The following AHRR variants were observed in gnomAD, a reference collection of about 807,000 sequenced individuals.
AHRR encodes aryl hydrocarbon receptor repressor.
Under a neutral mutation model 44.0 loss-of-function variants are expected in AHRR, and 28 were observed. The observed-to-expected ratio is 0.64, with a 90% CI of 0.47 to 0.87. The LOEUF (loss-of-function observed/expected upper bound fraction) is 0.87, where lower values mean the gene tolerates loss of function less well. Ranked by LOEUF, AHRR falls within the 40% of genes least tolerant of loss-of-function variation. AHRR has a pLI of 0.00. For missense variants in AHRR, 990 were observed against 953.9 expected, an observed-to-expected ratio of 1.04 and a Z score of -0.50; for synonymous variants, 434 against 407.0, an observed-to-expected ratio of 1.07 and a Z score of -0.80.
At chr5:368,848 G>A (rs934547287) in intron 3 of AHRR, among the ~76,000 whole-genome samples, 10 of 152,224 alleles carry the variant, frequency 6.6e-5, no homozygotes, top group Admixed American at 3.9e-4. Context: ...ATTTCTTTGC[G>A]GTTCATTTTG....
At chr5:371,555 G>C (rs11737917) in intron 3 of AHRR, among the ~76,000 whole-genome samples, 5 of 152,116 alleles carry the variant, frequency 3.3e-5, no homozygotes, top group Non-Finnish European at 7.4e-5. Flanking sequence ...CCTCATGCAC[G>C]GGTAAGCCCC....
At chr5:422,155 T>C (rs561281394) in intron 5 of AHRR, among the ~76,000 whole-genome samples, 1 of 152,186 alleles carries the variant, frequency 6.6e-6, no homozygotes, top group Non-Finnish European at 1.5e-5. Context: ...TCAGTCTTCG[T>C]GGCCCGCAGT....
rs1735138044 is a variant in AHRR, at chr5:403,825, TCTTC to T, written c.352-9515_352-9512del. On this transcript the variant is annotated intron_variant, in intron 4 of 10. Coordinates refer to ENST00000684583, the MANE Select transcript of AHRR (RefSeq NM_001377236.1). ...CTCTTGAGTTTCTCGATATGCCTTC[TCTTC>T]CTTTTTGCTCAAAGGACAAAGAACC... 3.9e-6 allele frequency: 6 copies of T among 1,539,886 alleles called. No individual in the cohort carries two copies. In the Admixed American group the frequency reaches 6.7e-5, roughly 17 times the overall value.
chr5:339,192 G>A (rs1259273645), intron 1 of AHRR, among the ~76,000 whole-genome samples: 5 of 152,116 alleles, frequency 3.3e-5, no homozygotes, highest in African/African-American at 7.2e-5. Context: ...CACTGTCACC[G>A]CAGCCTCAAT....
chr5:405,400 C>A lies in AHRR; in HGVS notation c.352-7944C>A, dbSNP rs1022818822. The stretch of plus-strand genomic sequence containing the variant: ...ATGGGCTTCTTTACTGATGCCAAAC[C>A]GTATAAAGCATTGGCCTATTTTGTC... On this transcript the variant is annotated intron_variant, in intron 4 of 10. Coordinates refer to ENST00000684583, the MANE Select transcript of AHRR (RefSeq NM_001377236.1). The surrounding 1 kb of genome is among the most constrained non-coding windows in gnomAD (Gnocchi z 4.5). Among the ~76,000 whole-genome samples, 1 of 152,124 alleles carries A rather than the reference C, an allele frequency of 6.6e-6. No individual in the cohort carries two copies. The highest frequency in any genetic ancestry group is 2.4e-5 in the African/African-American group (1 of 41,408).
intron 3 of AHRR, among the ~76,000 whole-genome samples, chr5:372,764 G>A (rs955349297): frequency 2.6e-5 from 4 of 152,202 alleles, no homozygotes; most frequent in African/African-American, 9.6e-5. Flanking sequence ...GCATCACCCA[G>A]ACGCACAGCT....
rs532546528 is a variant in AHRR, at chr5:424,292, G to A, written c.708+315G>A. 5.3e-5 allele frequency among the ~76,000 whole-genome samples: 8 copies of A among 150,672 alleles called. No homozygotes were observed. The South Asian group carries it at 1.1e-3, about 20-fold the overall frequency. On this transcript the variant is annotated intron_variant, in intron 7 of 10. Coordinates refer to ENST00000684583, the MANE Select transcript of AHRR (RefSeq NM_001377236.1). The stretch of plus-strand genomic sequence containing the variant: ...TCTGTGCACCCTGTGATGGTGTGGG[G>A]GCTTTAACCCACGTGTCTCTGGTGG...
Position 326,887 on chromosome 5 carries a change from C to T in AHRR, c.-11+5068C>T, listed in dbSNP as rs537423369. Among the ~76,000 whole-genome samples, 32 of 152,226 alleles carry T rather than the reference C, an allele frequency of 2.1e-4. No individual in the cohort carries two copies. Among genetic ancestry groups the T allele is most frequent in the African/African-American group, 6.3e-4 (26 of 41,548 alleles). ...CAGCCTGACCAATATGGTGAAACCCCATCTCTACCAAAAATACAAAAATTA... is the reference window on the plus strand; with the variant it reads ...CAGCCTGACCAATATGGTGAAACCCTATCTCTACCAAAAATACAAAAATTA... On this transcript the variant is annotated intron_variant, in intron 1 of 10. Transcript: ENST00000684583. This position sits in a 1 kb window ranked among gnomAD's most constrained non-coding sequence, Gnocchi z 4.1.
Position 330,869 on chromosome 5 carries a change from A to ATTTT in AHRR, c.-11+9069_-11+9072dup, listed in dbSNP as rs34221385. ...TTTTGCATGTTTGGTATAATTCAGC[A>ATTTT]TTTTTTTTTTTTTTTTTTTTTTGAG... On this transcript the variant is annotated intron_variant, in intron 1 of 10. Transcript: ENST00000684583. 4.6e-4 allele frequency among the ~76,000 whole-genome samples: 45 copies of ATTTT among 97,450 alleles called. 1 individual carries two copies. Among genetic ancestry groups the ATTTT allele is most frequent in the African/African-American group, 1.5e-3 (34 of 22,960 alleles). 63.9% of individuals were successfully genotyped at this position (97,450 alleles called of 152,430 possible).
At position 342,864 on chromosome 5, in the gene AHRR, C is replaced by T. The variant is rs992303459; in HGVS notation, c.-10-1029C>T. Among the ~76,000 whole-genome samples the T allele has an allele frequency of 2.0e-5, 3 of 152,256 alleles. No homozygotes were observed. The highest frequency in any genetic ancestry group is 2.9e-5 in the Non-Finnish European group (2 of 68,044). On this transcript the variant is annotated intron_variant, in intron 1 of 10. Coordinates refer to ENST00000684583, the MANE Select transcript of AHRR (RefSeq NM_001377236.1). This position sits in a 1 kb window ranked among gnomAD's most constrained non-coding sequence, Gnocchi z 4.3. ...TGGGCACAGATACTGGGCTGCTCCTCAGGGGCCCCGCTGGGAGGCACATGC... is the reference window on the plus strand; with the variant it reads ...TGGGCACAGATACTGGGCTGCTCCTTAGGGGCCCCGCTGGGAGGCACATGC...
chr5:324,639 A>G (rs1428544002), intron 1 of AHRR, among the ~76,000 whole-genome samples: 1 of 151,684 alleles, frequency 6.6e-6, no homozygotes, highest in Non-Finnish European at 1.5e-5. Context: ...AAATACAAAA[A>G]TTAGCCGGGT....
At position 355,705 on chromosome 5, in the gene AHRR, C is replaced by G. The variant is rs953115109; in HGVS notation, c.244+1794C>G. On this transcript the variant is annotated intron_variant, in intron 3 of 10. Transcript: ENST00000684583. ...TGAGCTTCCCATCCTGCTGCCTGCCCCAAGCCGGGGCAATGGCACTGGATG... is the reference window on the plus strand; with the variant it reads ...TGAGCTTCCCATCCTGCTGCCTGCCGCAAGCCGGGGCAATGGCACTGGATG... Among the ~76,000 whole-genome samples, 18 of 152,326 alleles carry G rather than the reference C, an allele frequency of 1.2e-4. No homozygotes were observed. The East Asian group carries it at 2.5e-3, about 21-fold the overall frequency.
At chr5:368,819 G>T (rs1426778079) in intron 3 of AHRR, among the ~76,000 whole-genome samples, 1 of 152,240 alleles carries the variant, frequency 6.6e-6, no homozygotes, top group East Asian at 1.9e-4. Context: ...CCCAGTCTTC[G>T]CTGGCTCAGA....
intron 3 of AHRR, 118 bp from the exon 4 acceptor site, chr5:376,492 C>T: frequency 9.5e-5 from 4 of 41,954 alleles, no homozygotes; most frequent in Non-Finnish European, 6.1e-5. Context: ...GCAGCCCAGG[C>T]CAGATGTCAG....
In AHRR at chr5:364,565, A is replaced by G. The variant is rs557593187; in HGVS notation, c.244+10654A>G. 3.9e-5 allele frequency among the ~76,000 whole-genome samples: 6 copies of G among 152,284 alleles called. No homozygotes were observed. The South Asian group carries it at 1.2e-3, about 32-fold the overall frequency. On this transcript the variant is annotated intron_variant, in intron 3 of 10. Coordinates refer to ENST00000684583, the MANE Select transcript of AHRR (RefSeq NM_001377236.1). ...GTTGAAATTTCAAACTAATGGAAAG[A>G]AAAAAGAATGAGAAAATATAATCAA... is the stretch of plus-strand genomic sequence containing the variant.
chr5:346,430 A>G (rs1442209455), intron 2 of AHRR, among the ~76,000 whole-genome samples: 1 of 152,180 alleles, frequency 6.6e-6, no homozygotes, highest in Non-Finnish European at 1.5e-5. Flanking sequence ...CAATAAAAGC[A>G]GGAAATTTCG....
At chr5:397,086 G>GT (rs1193760840) in intron 4 of AHRR, among the ~76,000 whole-genome samples, 1,062 of 78,880 alleles carry the variant, frequency 0.013, 2 homozygotes, top group African/African-American at 0.024. Flanking sequence ...GACCATCCAC[G>GT]TAGCCCCTGA....
chr5:393,244 C>T (rs1290586888), intron 4 of AHRR, among the ~76,000 whole-genome samples: 1 of 152,226 alleles, frequency 6.6e-6, no homozygotes, highest in Non-Finnish European at 1.5e-5. Flanking sequence ...TCCTCCGGCC[C>T]TCCCCACGTT....
intron 4 of AHRR, among the ~76,000 whole-genome samples, chr5:400,036 C>T (rs1329929733): frequency 6.6e-6 from 1 of 152,192 alleles, no homozygotes; most frequent in Non-Finnish European, 1.5e-5. Context: ...CCAGCTGCCC[C>T]GACGCCCGCC....
Sources: allele counts gnomAD v4.1 joint callset (sites outside exome capture counted in the v4.1 genomes callset), GRCh38; gene constraint gnomAD v4.1.1; non-coding constraint Gnocchi (gnomAD v3.1); transcripts MANE v1.5; gene names NCBI Gene and HGNC (gene_info 2026-07-23, HGNC 2026-07-21).